The following SH3BP5L variants were observed in gnomAD, a reference collection of about 807,000 sequenced individuals.
The protein encoded by SH3BP5L is SH3 binding domain protein 5 like.
Under a neutral mutation model 40.9 loss-of-function variants are expected in SH3BP5L, and 16 were observed. The observed-to-expected ratio is 0.39, with a 90% confidence interval of 0.27 to 0.59. The LOEUF (loss-of-function observed/expected upper bound fraction) is 0.59. Among genes scored for constraint, SH3BP5L ranks in the 20% least tolerant of loss-of-function variants. The pLI is 0.53. For missense variants in SH3BP5L, 471 were observed against 544.6 expected (o/e 0.86, Z 1.35); for synonymous variants, 229 against 226.7 (o/e 1.01, Z -0.09).
rs1480406075 is a variant in SH3BP5L, at chr1:248,812,284, C to T, written c.798G>A (p.Gln266=). 2.5e-6 allele frequency: 4 copies of T among 1,612,304 alleles called. No homozygotes were observed. Among genetic ancestry groups the T allele is most frequent in the Non-Finnish European group, 2.5e-6 (3 of 1,179,988 alleles). Residue 266 remains glutamine, a synonymous_variant, in exon 7 of 7, where the codon CAG becomes CAA. Coordinates refer to ENST00000366472, the MANE Select transcript of SH3BP5L (RefSeq NM_030645.3). The surrounding 1 kb of genome is among the most constrained non-coding windows in gnomAD (Gnocchi z 6.1). Reference sequence around the variant, plus strand: ...GCCGTGCGTGAATCTGCTCGCTGATCTGCTCCAGGTTACGAAGGGCCACGG... The same window carrying T: ...GCCGTGCGTGAATCTGCTCGCTGATTTGCTCCAGGTTACGAAGGGCCACGG... ...RYSVALRNLE[Q]ISEQIHARRR...
chr1:248,816,810 A>C lies in SH3BP5L; in HGVS notation c.246+12T>G. 1 of 1,614,128 alleles carries C rather than the reference A, an allele frequency of 6.2e-7. No homozygotes were observed. On this transcript the variant is annotated intron_variant, in intron 3 of 6. Coordinates refer to ENST00000366472, the MANE Select transcript of SH3BP5L (RefSeq NM_030645.3). ...AGGACCAGCCCAAGCACATAAGGAA[A>C]AGGACACTCACATCCAGCTGTAGTT...
At position 248,825,238 on chromosome 1, in the gene SH3BP5L, C is replaced by T. The variant is rs1434544175; in HGVS notation, c.-303G>A. ...GGCAGGGGGCAAAGGGGGCTTGGAT[C>T]CTGGACCGAGGCCTGCTAGGAGGAG... is the stretch of plus-strand genomic sequence containing the variant. On this transcript the variant is annotated 5_prime_UTR_variant, in exon 2 of 7. Coordinates refer to ENST00000366472, the MANE Select transcript of SH3BP5L (RefSeq NM_030645.3). 3 of 1,121,908 alleles carry T rather than the reference C, an allele frequency of 2.7e-6. No individual in the cohort carries two copies. The highest frequency in any genetic ancestry group is 3.3e-6 in the Non-Finnish European group (3 of 915,434). The allele number at this position is 1,121,908 out of a possible 1,614,324, so 69.5% of individuals were successfully genotyped here.
Position 248,821,176 on chromosome 1 carries a change from G to A in SH3BP5L, c.183+3577C>T, listed in dbSNP as rs986555648. ...GCGACACCCAGGGAAAGGCTGAGCA[G>A]GAATCCACTGAGGACCTGGGACAGT... On this transcript the variant is annotated intron_variant, in intron 2 of 6. Transcript: ENST00000366472. This position sits in a 1 kb window ranked among gnomAD's most constrained non-coding sequence, Gnocchi z 4.6. The A allele has an allele frequency of 6.6e-6, 1 of 152,364 alleles. No homozygotes were observed. Among genetic ancestry groups the A allele is most frequent in the Non-Finnish European group, 1.5e-5 (1 of 68,154 alleles). 9.4% of individuals were successfully genotyped at this position (152,364 alleles called of 1,614,324 possible). A position where few individuals can be genotyped will look rare whatever the true frequency, so the allele number is the denominator to read the frequency against.
chr1:248,812,061 C>T lies in SH3BP5L; in HGVS notation c.1021G>A (p.Val341Met), dbSNP rs1236356576. The T allele has an allele frequency of 6.2e-7, 1 of 1,613,018 alleles. No individual in the cohort carries two copies. The highest frequency in any genetic ancestry group is 2.2e-5 in the East Asian group (1 of 44,868). The stretch of plus-strand genomic sequence containing the variant: ...TCGCACTTCTGCAGGTCTGAAGCCA[C>T]CGTGCGCAGGCTCAGCAGACTCAGG... ...DTLSLLSLRT[V>M]ASDLQKCDSV... The change falls in exon 7 of 7, where the codon GTG (valine) becomes ATG (methionine). Residue 341 changes from valine (V) to methionine (M), a missense_variant. Val to Met is a conservative substitution (Grantham distance 21). Around this residue, in one of 2 missense-constraint regions of SH3BP5L, gnomAD observed 196 missense variants for 174.6 expected, o/e 1.12. Coordinates refer to ENST00000366472, the MANE Select transcript of SH3BP5L (RefSeq NM_030645.3). The surrounding 1 kb of genome is among the most constrained non-coding windows in gnomAD (Gnocchi z 6.1).
chr1:248,810,910 T>G lies in SH3BP5L; in HGVS notation c.*990A>C, dbSNP rs1663890204. On this transcript the variant is annotated 3_prime_UTR_variant, in exon 7 of 7. Transcript: ENST00000366472. ...CCGAGGGATCCTGCAGTAGGTATTT[T>G]CAGTTTGGGGAAGAGCAAGGGAGAG... 1.3e-5 allele frequency: 2 copies of G among 152,700 alleles called. No homozygotes were observed. Among genetic ancestry groups the G allele is most frequent in the African/African-American group, 4.8e-5 (2 of 41,450 alleles). The allele number at this position is 152,700 out of a possible 1,614,324, so 9.5% of individuals were successfully genotyped here. A position where few individuals can be genotyped will look rare whatever the true frequency, so the allele number is the denominator to read the frequency against.
chr1:248,817,828 G>A (rs758819188), intron 2 of SH3BP5L, among the ~76,000 whole-genome samples: 2 of 151,868 alleles, frequency 1.3e-5, no homozygotes, highest in Non-Finnish European at 2.9e-5. Flanking sequence ...ACTCCAGCCT[G>A]GGCAACATAG....
At position 248,812,110 on chromosome 1, in the gene SH3BP5L, G is replaced by A. The variant is rs373021898; in HGVS notation, c.972C>T (p.Pro324=). The A allele has an allele frequency of 1.5e-5, 24 of 1,610,090 alleles. No individual in the cohort carries two copies. Among genetic ancestry groups the A allele is most frequent in the Non-Finnish European group, 2.0e-5 (23 of 1,178,198 alleles). ...AGLEEGSSLG[P]GPAPDTDTLS... ...GGGTATCGGTGTCGGGGGCGGGGCCGGGCCCCAGGCTGCTGCCCTCCTCCA... is the reference window on the plus strand; with the variant it reads ...GGGTATCGGTGTCGGGGGCGGGGCCAGGCCCCAGGCTGCTGCCCTCCTCCA... Residue 324 remains proline, a synonymous_variant, in exon 7 of 7, where the codon CCC becomes CCT. Coordinates refer to ENST00000366472, the MANE Select transcript of SH3BP5L (RefSeq NM_030645.3). The surrounding 1 kb of genome is among the most constrained non-coding windows in gnomAD (Gnocchi z 6.1).
chr1:248,817,293 A>G (rs1013953965), intron 2 of SH3BP5L, among the ~76,000 whole-genome samples: 1 of 152,242 alleles, frequency 6.6e-6, no homozygotes, highest in Non-Finnish European at 1.5e-5. Flanking sequence ...CACCTGGGCC[A>G]GGGCAGGGCC....
chr1:248,812,502 A>G lies in SH3BP5L; in HGVS notation c.712-132T>C, dbSNP rs954322059. On this transcript the variant is annotated intron_variant, in intron 6 of 6. Transcript: ENST00000366472. This position sits in a 1 kb window ranked among gnomAD's most constrained non-coding sequence, Gnocchi z 6.1. ...CTGGCTCAGCATCCACCACAGACCC[A>G]CAACAGCCTTCCCTGCTCCACTCTC... 4 of 644,894 alleles carry G rather than the reference A, an allele frequency of 6.2e-6. No individual in the cohort carries two copies. The East Asian group carries it at 1.2e-4, about 19-fold the overall frequency. 39.9% of individuals were successfully genotyped at this position (644,894 alleles called of 1,614,324 possible).
chr1:248,825,217 G>C lies in SH3BP5L; in HGVS notation c.-282C>G, dbSNP rs1664346500. 2.6e-6 allele frequency: 3 copies of C among 1,169,240 alleles called. No homozygotes were observed. The highest frequency in any genetic ancestry group is 3.2e-6 in the Non-Finnish European group (3 of 944,582). The allele number at this position is 1,169,240 out of a possible 1,614,324, so 72.4% of individuals were successfully genotyped here. A position where few individuals can be genotyped will look rare whatever the true frequency, so the allele number is the denominator to read the frequency against. ...AACCCGGAGCAACAGCTCCAAGGCAGGGGGCAAAGGGGGCTTGGATCCTGG... is the reference window on the plus strand; with the variant it reads ...AACCCGGAGCAACAGCTCCAAGGCACGGGGCAAAGGGGGCTTGGATCCTGG... On this transcript the variant is annotated 5_prime_UTR_variant, in exon 2 of 7. Coordinates refer to ENST00000366472, the MANE Select transcript of SH3BP5L (RefSeq NM_030645.3).
chr1:248,822,503 C>T lies in SH3BP5L; in HGVS notation c.183+2250G>A, dbSNP rs1276646835. ...GTTTAGCAAGAGAGACGAGGGTCTGCTTTACCTTTCCTGCACCAGCGACAT... is the reference window on the plus strand; with the variant it reads ...GTTTAGCAAGAGAGACGAGGGTCTGTTTTACCTTTCCTGCACCAGCGACAT... On this transcript the variant is annotated intron_variant, in intron 2 of 6. Coordinates refer to ENST00000366472, the MANE Select transcript of SH3BP5L (RefSeq NM_030645.3). Among the ~76,000 whole-genome samples the T allele has an allele frequency of 2.6e-5, 4 of 152,186 alleles. No individual in the cohort carries two copies. In the East Asian group the frequency reaches 7.7e-4, roughly 29 times the overall value.
intron 4 of SH3BP5L, chr1:248,814,888 C>T: frequency 1.8e-6 from 1 of 541,094 alleles, no homozygotes; most frequent in East Asian, 4.0e-5. Flanking sequence ...CTAGGGAAAA[C>T]AAAGGAAAAC....
Position 248,812,188 on chromosome 1 carries a change from G to A in SH3BP5L, c.894C>T (p.Pro298=), listed in dbSNP as rs200693630. 6.9e-6 allele frequency: 11 copies of A among 1,599,942 alleles called. No homozygotes were observed. The highest frequency in any genetic ancestry group is 4.0e-5 in the African/African-American group (3 of 74,772). The change falls in exon 7 of 7, where the codon CCC becomes CCT. Residue 298 remains proline, a synonymous_variant. Transcript: ENST00000366472. This position sits in a 1 kb window ranked among gnomAD's most constrained non-coding sequence, Gnocchi z 6.1. ...RSSPVGAEAG[P]EDMEDGDSGI... ...CGCTGTCTCCGTCCTCCATGTCCTC[G>A]GGTCCTGCCTCGGCCCCCACGGGGG...
intron 2 of SH3BP5L, chr1:248,820,425 G>A (rs1472053036): frequency 2.0e-5 from 3 of 152,262 alleles, no homozygotes; most frequent in African/African-American, 7.2e-5. Context: ...CCAGCTTCCT[G>A]GGGCTTGACG....
chr1:248,811,436 A>C lies in SH3BP5L; in HGVS notation c.*464T>G. 6.1e-6 allele frequency: 1 copy of C among 163,110 alleles called. No individual in the cohort carries two copies. Among genetic ancestry groups the C allele is most frequent in the Non-Finnish European group, 1.3e-5 (1 of 75,814 alleles). The allele number at this position is 163,110 out of a possible 1,614,324, so 10.1% of individuals were successfully genotyped here. A position where few individuals can be genotyped will look rare whatever the true frequency, so the allele number is the denominator to read the frequency against. On this transcript the variant is annotated 3_prime_UTR_variant, in exon 7 of 7. Transcript: ENST00000366472. ...GGTACCCTCCAGAGTTGCCTTGGGA[A>C]GGGGGGCGGGGCTGGAAACCAACGG...
chr1:248,818,920 C>T (rs573024241), intron 2 of SH3BP5L, among the ~76,000 whole-genome samples: 28 of 152,368 alleles, frequency 1.8e-4, no homozygotes, highest in African/African-American at 6.5e-4. Context: ...CCAGCATGTG[C>T]CTGCTGCCCA....
chr1:248,824,404 G>A (rs1029953701), intron 2 of SH3BP5L, among the ~76,000 whole-genome samples: 4 of 152,164 alleles, frequency 2.6e-5, no homozygotes, highest in Admixed American at 1.3e-4. Context: ...AACTAAGGTG[G>A]CAGCCCCTCT....
chr1:248,813,151 C>A lies in SH3BP5L; in HGVS notation c.549G>T (p.Ala183=), dbSNP rs756633294. 6.3e-7 allele frequency: 1 copy of A among 1,590,340 alleles called. No homozygotes were observed. Among genetic ancestry groups the A allele is most frequent in the South Asian group, 1.1e-5 (1 of 88,138 alleles). ...GCTCACCTCGAAGCCGCTCTTCCTC[C>A]GCCTCATTCACCTGGCCCAGAGGAC... is the stretch of plus-strand genomic sequence containing the variant. The part of the protein sequence containing the change: ...LNHATCKVNE[A]EEERLRGERE... The change falls in exon 6 of 7, where the codon GCG becomes GCT. Residue 183 remains alanine (A), a synonymous_variant. Transcript: ENST00000366472.
chr1:248,811,954 C>A lies in SH3BP5L; in HGVS notation c.1128G>T (p.Arg376=). 1.9e-6 allele frequency: 3 copies of A among 1,571,912 alleles called. No individual in the cohort carries two copies. The highest frequency in any genetic ancestry group is 2.3e-5 in the East Asian group (1 of 43,186). Residue 376 remains arginine, a synonymous_variant, in exon 7 of 7, where the codon CGG becomes CGT. Coordinates refer to ENST00000366472, the MANE Select transcript of SH3BP5L (RefSeq NM_030645.3). ...CCCCACGGGCTCCGCCGTCGCTGCC[C>A]CGGCGCCCTCCACTCCGCGTTCCCA... ...QELGTRSGGR[R]GSDGGARGGR...
Sources: gnomAD v4.1 joint callset for allele counts (sites outside exome capture counted in the v4.1 genomes callset) on GRCh38, gnomAD v4.1.1 for gene constraint, gnomAD v4.1.1 regional missense constraint, Gnocchi (gnomAD v3.1) non-coding constraint, MANE v1.5 for transcripts, NCBI Gene and HGNC (gene_info 2026-07-23, HGNC 2026-07-21) for gene names.